VPS8: variants seen among roughly 807,000 people sequenced by gnomAD.
VPS8 encodes the protein vacuolar protein sorting-associated protein 8 homolog.
VPS8 carries 129 observed loss-of-function variants against 216.4 expected under a neutral mutation model. The ratio of observed to expected loss-of-function variants is 0.60; its 90% CI spans 0.52 to 0.69. The LOEUF (loss-of-function observed/expected upper bound fraction) is 0.69. Ranked by LOEUF, VPS8 falls within the 30% of genes least tolerant of loss-of-function variation. The pLI, the probability that VPS8 is intolerant of heterozygous loss-of-function variation, is 0.00. For missense variants in VPS8, 1,531 were observed against 1,683.5 expected (o/e 0.91, Z 1.59); for synonymous variants, 571 against 565.4 (o/e 1.01, Z -0.14).
chr3:184,874,648 A>G (rs1243113431), intron 21 of VPS8, among the ~76,000 whole-genome samples: 1 of 152,210 alleles, frequency 6.6e-6, no homozygotes, highest in Non-Finnish European at 1.5e-5. Context: ...AGTATGAGCC[A>G]ATTGTGTGTT....
At chr3:184,982,684 G>C (rs1309088945) in intron 41 of VPS8, 37 bp downstream of exon 41, 1 of 1,480,964 alleles carries the variant, frequency 6.8e-7, no homozygotes, top group Non-Finnish European at 9.4e-7. Flanking sequence ...GAGTCCACCT[G>C]TATCATCAGT....
At chr3:184,849,389 G>A (rs1165015433) in intron 9 of VPS8, 194 bp downstream of exon 9, 15 of 550,202 alleles carry the variant, frequency 2.7e-5, no homozygotes, top group Non-Finnish European at 4.4e-5. Flanking sequence ...CCCAGAGTCT[G>A]TAATTTTTTA....
intron 41 of VPS8, among the ~76,000 whole-genome samples, 158 bp from the exon 42 acceptor site, chr3:184,982,854 T>A (rs763194670): frequency 2.0e-5 from 3 of 152,218 alleles, no homozygotes; most frequent in African/African-American, 4.8e-5. Flanking sequence ...TTGTAGTCTT[T>A]GTAACTTGTC....
chr3:185,042,803 T>G (rs552953484), intron 46 of VPS8, among the ~76,000 whole-genome samples: 1 of 152,282 alleles, frequency 6.6e-6, no homozygotes, highest in South Asian at 2.1e-4. Context: ...AAAAAATATA[T>G]AATGAGATGA....
intron 6 of VPS8, chr3:184,839,295 T>G (rs1349100910): frequency 5.1e-6 from 1 of 195,472 alleles, no homozygotes; most frequent in Non-Finnish European, 1.0e-5. Flanking sequence ...TTGGATGGCT[T>G]TAGGCCCCTG....
intron 14 of VPS8, 91 bp downstream of exon 14, chr3:184,855,909 C>A: frequency 9.8e-7 from 1 of 1,018,062 alleles, no homozygotes; most frequent in East Asian, 2.6e-5. Context: ...GTGTTACTAT[C>A]CTAAGTCTTT....
intron 21 of VPS8, among the ~76,000 whole-genome samples, chr3:184,877,186 A>C (rs1475150530): frequency 6.6e-6 from 1 of 152,154 alleles, no homozygotes; most frequent in African/African-American, 2.4e-5. Context: ...TTCAGGTCTC[A>C]GTGTAATTGT....
At chr3:184,820,311 C>T (rs572942479) in intron 1 of VPS8, among the ~76,000 whole-genome samples, 1 of 152,276 alleles carries the variant, frequency 6.6e-6, no homozygotes, top group African/African-American at 2.4e-5. Flanking sequence ...CTGCCTGCAT[C>T]CTTGGCTCCT....
At chr3:184,988,685 C>T (rs969621449) in intron 42 of VPS8, among the ~76,000 whole-genome samples, 2 of 152,122 alleles carry the variant, frequency 1.3e-5, no homozygotes, top group Non-Finnish European at 2.9e-5. Flanking sequence ...TTGATATCTA[C>T]AAAGTAACTT....
At chr3:184,993,328 GTTTT>G (rs1217058013) in intron 42 of VPS8, among the ~76,000 whole-genome samples, 12 of 151,748 alleles carry the variant, frequency 7.9e-5, no homozygotes, top group Non-Finnish European at 1.5e-4. Flanking sequence ...TTTTGGTGTG[GTTTT>G]TTGTTTTTTG....
intron 3 of VPS8, among the ~76,000 whole-genome samples, chr3:184,829,042 C>A (rs911814385): frequency 1.3e-5 from 2 of 152,106 alleles, no homozygotes; most frequent in African/African-American, 4.8e-5. Flanking sequence ...TAGATTTGTT[C>A]ACATTGCTGT....
At chr3:184,940,289 TGAGAA>T (rs775728694) in intron 36 of VPS8, 46 bp downstream of exon 36, 14 of 797,528 alleles carry the variant, frequency 1.8e-5, no homozygotes, top group Middle Eastern at 4.5e-4. Flanking sequence ...TATATATATA[TGAGAA>T]ATAAAAGGAA....
chr3:184,831,436 T>G (rs1446005976), intron 3 of VPS8, among the ~76,000 whole-genome samples: 3 of 152,178 alleles, frequency 2.0e-5, no homozygotes, highest in Non-Finnish European at 1.5e-5. Flanking sequence ...ATCGAGGTAG[T>G]GAGTAGACAT....
At chr3:184,988,043 C>T in intron 42 of VPS8, among the ~76,000 whole-genome samples, 1 of 152,130 alleles carries the variant, frequency 6.6e-6, no homozygotes, top group Non-Finnish European at 1.5e-5. Flanking sequence ...TTTAAGGATT[C>T]TTTGTATATT....
chr3:185,033,565 C>T (rs1211026320), intron 46 of VPS8, among the ~76,000 whole-genome samples: 2 of 152,224 alleles, frequency 1.3e-5, no homozygotes, highest in African/African-American at 4.8e-5. Flanking sequence ...TTTTGACAAT[C>T]GTGACTAAAG....
chr3:184,823,379 T>C (rs1718031453), intron 1 of VPS8, among the ~76,000 whole-genome samples: 1 of 152,180 alleles, frequency 6.6e-6, no homozygotes. Context: ...TAATTACAAG[T>C]CTTTTTTTTC....
intron 42 of VPS8, among the ~76,000 whole-genome samples, chr3:184,984,702 T>C (rs1263436587): frequency 6.6e-6 from 1 of 152,224 alleles, no homozygotes; most frequent in Admixed American, 6.5e-5. Context: ...TCATTACTTA[T>C]GAGGTTTCTA....
chr3:185,020,050 T>TA (rs1756424975), intron 45 of VPS8, among the ~76,000 whole-genome samples: 1 of 152,264 alleles, frequency 6.6e-6, no homozygotes, highest in African/African-American at 2.4e-5. Context: ...TTTAAATGGT[T>TA]ACACGCTTTT....
intron 40 of VPS8, chr3:184,982,352 A>G (rs1750351818): frequency 1.9e-6 from 1 of 521,456 alleles, no homozygotes; most frequent in African/African-American, 2.0e-5. Context: ...CATGATAAAG[A>G]TGCCTGTTCT....
Sources: gnomAD v4.1 joint callset for allele counts (sites outside exome capture counted in the v4.1 genomes callset) on GRCh38, gnomAD v4.1.1 for gene constraint, MANE v1.5 for transcripts, NCBI Gene and HGNC (gene_info 2026-07-23, HGNC 2026-07-21) for gene names.